ZNF250: variants seen among roughly 807,000 people sequenced by gnomAD.
ZNF250 encodes zinc finger protein 250.
A neutral mutation model predicts 37.1 loss-of-function variants in ZNF250; 13 were observed. The ratio of observed to expected loss-of-function variants is 0.35; its 90% confidence interval spans 0.23 to 0.56. The LOEUF (loss-of-function observed/expected upper bound fraction) is 0.56, where lower values mean the gene tolerates loss of function less well. Among genes scored for constraint, ZNF250 ranks in the 20% least tolerant of loss-of-function variants. The pLI is 0.87. For missense variants in ZNF250, 474 were observed against 697.9 expected, an observed-to-expected ratio of 0.68 and a Z score of 3.61; for synonymous variants, 251 against 265.6, an observed-to-expected ratio of 0.94 and a Z score of 0.54.
intron 1 of ZNF250, among the ~76,000 whole-genome samples, chr8:144,899,118 A>G (rs532899324): frequency 6.6e-6 from 1 of 152,212 alleles, no homozygotes; most frequent in Non-Finnish European, 1.5e-5. Context: ...AATTGAAATA[A>G]GCCAGGTACA....
rs1390369272 is a variant in ZNF250, at chr8:144,891,614, G to A, written c.-54-1211C>T. On this transcript the variant is annotated intron_variant, in intron 1 of 5. Coordinates refer to ENST00000417550, the MANE Select transcript of ZNF250 (RefSeq NM_001109689.4). The surrounding 1 kb of genome is among the most constrained non-coding windows in gnomAD (Gnocchi z 4.0). ...TGCCTGTAATCCCAGCACTTTGGGA[G>A]GCCGAGGCAGGCGGATCACCCGAGG... 6.6e-6 allele frequency among the ~76,000 whole-genome samples: 1 copy of A among 152,156 alleles called. No homozygotes were observed. The highest frequency in any genetic ancestry group is 2.4e-5 in the African/African-American group (1 of 41,426).
In ZNF250 at chr8:144,891,836, A is replaced by G. The variant is rs1832360153; in HGVS notation, c.-54-1433T>C. Among the ~76,000 whole-genome samples the G allele has an allele frequency of 6.6e-6, 1 of 152,138 alleles. No homozygotes were observed. The highest frequency in any genetic ancestry group is 2.1e-4 in the South Asian group (1 of 4,824). ...CATTGCACTCCAGCCTGGGCAACCA[A>G]GAGCAAAACTCCATCTCAAAACAAA... On this transcript the variant is annotated intron_variant, in intron 1 of 5. Transcript: ENST00000417550. The surrounding 1 kb of genome is among the most constrained non-coding windows in gnomAD (Gnocchi z 4.0).
At chr8:144,889,739 G>GC (rs1229511066) in intron 3 of ZNF250, 45 bp from the exon 4 acceptor site, 2 of 1,576,208 alleles carry the variant, frequency 1.3e-6, no homozygotes, top group Non-Finnish European at 1.7e-6. Context: ...CATTTACAGA[G>GC]CCCCCTCCCC....
intron 1 of ZNF250, among the ~76,000 whole-genome samples, chr8:144,900,940 G>GA (rs1270571052): frequency 6.6e-6 from 1 of 152,232 alleles, no homozygotes; most frequent in African/African-American, 2.4e-5. Context: ...AGCGCGGCAA[G>GA]AAGAGCGGCC....
At chr8:144,900,272 G>A (rs1434975965) in intron 1 of ZNF250, among the ~76,000 whole-genome samples, 1 of 152,202 alleles carries the variant, frequency 6.6e-6, no homozygotes, top group Non-Finnish European at 1.5e-5. Flanking sequence ...CCACCGGACA[G>A]AGAAACCTAT....
Position 144,889,599 on chromosome 8 carries a change from G to A in ZNF250, c.265C>T (p.Leu89=). 1 of 1,613,956 alleles carries A rather than the reference G, an allele frequency of 6.2e-7. No homozygotes were observed. The change falls in exon 4 of 6, where the codon CTG becomes TTG. Residue 89 remains leucine (L), a synonymous_variant. Transcript: ENST00000417550. ...CACTCACCTGAGTAGTCACTCCACAGGCCCTGGCTCTTCTTAGCCCCCTTC... is the reference window on the plus strand; with the variant it reads ...CACTCACCTGAGTAGTCACTCCACAAGCCCTGGCTCTTCTTAGCCCCCTTC... The part of the protein sequence containing the change: ...DRKGAKKSQG[L]WSDYSDNLKY...
intron 1 of ZNF250, among the ~76,000 whole-genome samples, chr8:144,894,830 A>AT (rs1832598054): frequency 4.0e-5 from 3 of 75,770 alleles, no homozygotes; most frequent in Admixed American, 2.5e-4. Context: ...ATAATTTCTT[A>AT]ATTTTTTTTT....
At chr8:144,893,433 C>T (rs1036393387) in intron 1 of ZNF250, among the ~76,000 whole-genome samples, 1 of 152,134 alleles carries the variant, frequency 6.6e-6, no homozygotes, top group African/African-American at 2.4e-5. Flanking sequence ...CAGGCTCAAG[C>T]GATCCTCCTA....
At chr8:144,885,836 TG>T (rs1175628514) in intron 5 of ZNF250, among the ~76,000 whole-genome samples, 1 of 152,176 alleles carries the variant, frequency 6.6e-6, no homozygotes, top group Admixed American at 6.5e-5. Flanking sequence ...CCCGGTGTGG[TG>T]GCTCATGTCT....
intron 1 of ZNF250, among the ~76,000 whole-genome samples, chr8:144,892,720 A>T (rs966923587): frequency 1.3e-5 from 2 of 151,350 alleles, no homozygotes; most frequent in Non-Finnish European, 2.9e-5. Context: ...ATGCCCAGCT[A>T]ATTTTTTTTG....
At position 144,880,146 on chromosome 8, in the gene ZNF250, ATCT is replaced by A. The variant is rs1271260365; in HGVS notation, c.*1366_*1368del. 4.1e-5 allele frequency: 7 copies of A among 172,314 alleles called. No homozygotes were observed. The highest frequency in any genetic ancestry group is 3.4e-4 in the Admixed American group (6 of 17,394). The allele number at this position is 172,314 out of a possible 1,614,324, so 10.7% of individuals were successfully genotyped here. On this transcript the variant is annotated 3_prime_UTR_variant, in exon 6 of 6. Transcript: ENST00000417550. ...TTTTAATTATGAATAAACTAGATTC[ATCT>A]TCATCATAGTAATATGGCAATGGAT...
In ZNF250 at chr8:144,890,708, T is replaced by C. The variant is rs1445773931; in HGVS notation, c.-54-305A>G. ...CTGGTCCCGGCCCATGGTCCTGCCATACACAAGGATACCAGCTCACCAAGG... is the reference window on the plus strand; with the variant it reads ...CTGGTCCCGGCCCATGGTCCTGCCACACACAAGGATACCAGCTCACCAAGG... On this transcript the variant is annotated intron_variant, in intron 1 of 5. Coordinates refer to ENST00000417550, the MANE Select transcript of ZNF250 (RefSeq NM_001109689.4). The surrounding 1 kb of genome is among the most constrained non-coding windows in gnomAD (Gnocchi z 5.1). Among the ~76,000 whole-genome samples, 1 of 152,082 alleles carries C rather than the reference T, an allele frequency of 6.6e-6. No individual in the cohort carries two copies.
intron 1 of ZNF250, among the ~76,000 whole-genome samples, chr8:144,894,099 C>A (rs1429757239): frequency 6.6e-6 from 1 of 151,838 alleles, no homozygotes; most frequent in Non-Finnish European, 1.5e-5. Flanking sequence ...AAACCAAGCA[C>A]CCCCTCTACC....
In ZNF250 at chr8:144,882,911, C is replaced by T. The variant is rs1586890628; in HGVS notation, c.347-75G>A. The T allele has an allele frequency of 6.5e-7, 1 of 1,527,490 alleles. No homozygotes were observed. The allele number at this position is 1,527,490 out of a possible 1,614,324, so 94.6% of individuals were successfully genotyped here. ...GAGCTAGTGCAACCCTGAAACTGGCCTTGCTGATGAAGGTGCAAAATCCCT... is the reference window on the plus strand; with the variant it reads ...GAGCTAGTGCAACCCTGAAACTGGCTTTGCTGATGAAGGTGCAAAATCCCT... On this transcript the variant is annotated intron_variant, in intron 5 of 5. Transcript: ENST00000417550. The surrounding 1 kb of genome is among the most constrained non-coding windows in gnomAD (Gnocchi z 5.5).
chr8:144,882,428 C>T lies in ZNF250; in HGVS notation c.755G>A (p.Cys252Tyr). 6.2e-7 allele frequency: 1 copy of T among 1,614,152 alleles called. No homozygotes were observed. Among genetic ancestry groups the T allele is most frequent in the Non-Finnish European group, 8.5e-7 (1 of 1,180,018 alleles). Residue 252 changes from cysteine to tyrosine, a missense_variant, in exon 6 of 6, where the codon TGT (cysteine) becomes TAT (tyrosine). This residue lies in a region of ZNF250 where 282 missense variants were observed against 470.4 expected (regional missense o/e 0.60). Coordinates refer to ENST00000417550, the MANE Select transcript of ZNF250 (RefSeq NM_001109689.4). The surrounding 1 kb of genome is among the most constrained non-coding windows in gnomAD (Gnocchi z 5.5). ...TCTAAAGGCTTTTCCACACTCATTA[C>T]ACTCATAGGGCTTCTCACCTGTGTG... is the stretch of plus-strand genomic sequence containing the variant. The part of the protein sequence containing the change: ...RIHTGEKPYE[C>Y]NECGKAFRVS...
intron 4 of ZNF250, among the ~76,000 whole-genome samples, chr8:144,888,204 T>A (rs1563888980): frequency 6.6e-6 from 1 of 152,260 alleles, no homozygotes; most frequent in Non-Finnish European, 1.5e-5. Flanking sequence ...CTTGTACATC[T>A]TTTGTTAGAT....
intron 1 of ZNF250, among the ~76,000 whole-genome samples, chr8:144,899,458 A>G (rs1022048713): frequency 7.2e-5 from 11 of 152,224 alleles, no homozygotes; most frequent in Non-Finnish European, 1.5e-4. Flanking sequence ...ATCATTATAC[A>G]TTGTATGCTA....
intron 1 of ZNF250, among the ~76,000 whole-genome samples, chr8:144,892,509 G>T (rs1832414289): frequency 6.6e-6 from 1 of 151,980 alleles, no homozygotes; most frequent in African/African-American, 2.4e-5. Flanking sequence ...GGTTCCTTTA[G>T]TAACTTGTGT....
In ZNF250 at chr8:144,891,344, G is replaced by A. The variant is rs1832322621; in HGVS notation, c.-54-941C>T. 6.6e-6 allele frequency among the ~76,000 whole-genome samples: 1 copy of A among 152,128 alleles called. No individual in the cohort carries two copies. The highest frequency in any genetic ancestry group is 6.5e-5 in the Admixed American group (1 of 15,270). The stretch of plus-strand genomic sequence containing the variant: ...GCTCAGATGGGCACCACAACAAACA[G>A]GGTGCTTTAAGAGTGACAAAATAGG... On this transcript the variant is annotated intron_variant, in intron 1 of 5. Transcript: ENST00000417550. This position sits in a 1 kb window ranked among gnomAD's most constrained non-coding sequence, Gnocchi z 4.0.
Sources: gnomAD v4.1 joint callset for allele counts (sites outside exome capture counted in the v4.1 genomes callset) on GRCh38, gnomAD v4.1.1 for gene constraint, gnomAD v4.1.1 regional missense constraint, Gnocchi (gnomAD v3.1) non-coding constraint, MANE v1.5 for transcripts, NCBI Gene and HGNC (gene_info 2026-07-23, HGNC 2026-07-21) for gene names.